The following CHLSN variants were observed in gnomAD, a reference collection of about 807,000 sequenced individuals.
CHLSN encodes the protein protein cholesin.
the CHLSN span, among the ~76,000 whole-genome samples, chr7:1,010,719 G>A: frequency 6.6e-6 from 1 of 152,306 alleles, no homozygotes; most frequent in East Asian, 1.9e-4. Context: ...CATCTTGCCA[G>A]GAAAGCACAG....
chr7:988,092 G>T, the CHLSN span, among the ~76,000 whole-genome samples: 3 of 151,896 alleles, frequency 2.0e-5, no homozygotes, highest in Non-Finnish European at 1.5e-5. Flanking sequence ...CTATCCTTGG[G>T]GCCCCTGGCT....
At chr7:1,083,542 G>A in the CHLSN span, among the ~76,000 whole-genome samples, 11 of 152,022 alleles carry the variant, frequency 7.2e-5, no homozygotes, top group African/African-American at 1.7e-4. Context: ...GCAGGAGAAC[G>A]GTGTGAACCC....
chr7:1,066,515 G>C, the CHLSN span, among the ~76,000 whole-genome samples: 2 of 152,228 alleles, frequency 1.3e-5, no homozygotes. Flanking sequence ...ATTCCTTCCA[G>C]TAAGTTGGGA....
the CHLSN span, among the ~76,000 whole-genome samples, chr7:1,103,180 G>C: frequency 3.3e-5 from 5 of 152,220 alleles, no homozygotes; most frequent in African/African-American, 1.2e-4. Flanking sequence ...AGGCCACAGG[G>C]AAAGGCGTTT....
the CHLSN span, among the ~76,000 whole-genome samples, chr7:1,068,212 A>G: frequency 6.6e-6 from 1 of 152,232 alleles, no homozygotes; most frequent in Middle Eastern, 3.4e-3. Flanking sequence ...TCAGCGCTGC[A>G]GTGTGTCACA....
chr7:1,126,542 G>A, the CHLSN span, among the ~76,000 whole-genome samples: 80 of 152,002 alleles, frequency 5.3e-4, no homozygotes, highest in Non-Finnish European at 2.5e-4. Context: ...CTAGTCGGGC[G>A]TGGTGGTGTG....
At chr7:1,100,861 C>G in the CHLSN span, among the ~76,000 whole-genome samples, 1 of 152,246 alleles carries the variant, frequency 6.6e-6, no homozygotes, top group Non-Finnish European at 1.5e-5. Flanking sequence ...GCTGCGTCTA[C>G]ATCCATCAGC....
chr7:1,036,338 G>C, the CHLSN span, among the ~76,000 whole-genome samples: 1 of 151,372 alleles, frequency 6.6e-6, no homozygotes, highest in Non-Finnish European at 1.5e-5. Flanking sequence ...CTCGTGCTGT[G>C]GCCGTGCAGG....
the CHLSN span, among the ~76,000 whole-genome samples, chr7:1,114,378 A>G: frequency 6.6e-6 from 1 of 152,244 alleles, no homozygotes; most frequent in African/African-American, 2.4e-5. Context: ...TTAAAGAGGC[A>G]AATGCGCCCC....
chr7:1,104,073 T>C, the CHLSN span, among the ~76,000 whole-genome samples: 1 of 151,904 alleles, frequency 6.6e-6, no homozygotes, highest in Non-Finnish European at 1.5e-5. Flanking sequence ...CACCCACAGG[T>C]TTCGCCCCAT....
the CHLSN span, among the ~76,000 whole-genome samples, chr7:1,022,220 C>T: frequency 7.2e-5 from 11 of 152,200 alleles, no homozygotes; most frequent in Non-Finnish European, 1.3e-4. Context: ...CGAGGACAGA[C>T]GCAGGCCTGC....
chr7:1,014,805 T>A, the CHLSN span, among the ~76,000 whole-genome samples: 8 of 150,044 alleles, frequency 5.3e-5, no homozygotes, highest in Non-Finnish European at 1.5e-5. Context: ...ACGGCAGCGA[T>A]CCGGCCACGG....
chr7:1,035,557 G>A, the CHLSN span, among the ~76,000 whole-genome samples: 1 of 152,344 alleles, frequency 6.6e-6, no homozygotes, highest in South Asian at 2.1e-4. Flanking sequence ...GACATCCTTT[G>A]ACGTGAGGGA....
At chr7:1,113,672 G>A in the CHLSN span, among the ~76,000 whole-genome samples, 1,935 of 152,256 alleles carry the variant, frequency 0.013, 19 homozygotes, top group Middle Eastern at 0.027. Context: ...GTCCCAGCCC[G>A]AGCATTTCCC....
chr7:1,023,624 A>AACACACACACACACACACAC, the CHLSN span, among the ~76,000 whole-genome samples: 98 of 122,372 alleles, frequency 8.0e-4, 1 homozygote, highest in East Asian at 4.6e-3. The surrounding 1 kb of genome is among the most constrained non-coding windows in gnomAD (Gnocchi z 5.0). Context: ...CCTCCCAGGA[A>AACACACACACACACACACAC]ACACACACAC....
At chr7:984,325 C>T in the CHLSN span, 1 of 1,486,654 alleles carries the variant, frequency 6.7e-7, no homozygotes, top group South Asian at 1.3e-5. Flanking sequence ...TGTCCCCACC[C>T]CTACCCAGCA....
the CHLSN span, among the ~76,000 whole-genome samples, chr7:1,033,241 G>A: frequency 2.2e-4 from 34 of 152,352 alleles, no homozygotes; most frequent in African/African-American, 7.9e-4. Context: ...TCACTCCAGA[G>A]GTGGAAGGCT....
At chr7:1,019,172 C>T in the CHLSN span, among the ~76,000 whole-genome samples, 1 of 115,734 alleles carries the variant, frequency 8.6e-6, no homozygotes, top group African/African-American at 3.5e-5. Flanking sequence ...CCAGCCTGGG[C>T]AATAGAGTGA....
the CHLSN span, chr7:1,025,183 G>A: frequency 6.6e-6 from 1 of 152,392 alleles, no homozygotes; most frequent in Admixed American, 6.5e-5. Context: ...GGCCGGAGAA[G>A]CCAGGCACCT....
Sources: allele counts gnomAD v4.1 joint callset (sites outside exome capture counted in the v4.1 genomes callset), GRCh38; gene constraint gnomAD v4.1.1; non-coding constraint Gnocchi (gnomAD v3.1); transcripts MANE v1.5; gene names NCBI Gene and HGNC (gene_info 2026-07-23, HGNC 2026-07-21).